EXOC6B: variants seen among roughly 807,000 people sequenced by gnomAD.
The protein encoded by EXOC6B is SEC15 homolog B.
EXOC6B carries 54 observed loss-of-function variants against 113.5 expected under a neutral mutation model. The ratio of observed to expected loss-of-function variants is 0.48; its 90% CI spans 0.38 to 0.60. The LOEUF (loss-of-function observed/expected upper bound fraction) is 0.60. Ranked by LOEUF, EXOC6B falls within the 20% of genes least tolerant of loss-of-function variation. The pLI, the probability that EXOC6B is intolerant of heterozygous loss-of-function variation, is 0.00. For synonymous variants in EXOC6B, 357 were observed against 339.0 expected, an observed-to-expected ratio of 1.05 and a Z score of -0.58; for missense variants, 797 against 977.5, an observed-to-expected ratio of 0.82 and a Z score of 2.46.
intron 11 of EXOC6B, among the ~76,000 whole-genome samples, chr2:72,510,813 A>G (rs1410152960): frequency 6.6e-6 from 1 of 151,942 alleles, no homozygotes; most frequent in Non-Finnish European, 1.5e-5. Context: ...CACTCAAAAA[A>G]TGATCCGAAG....
intron 8 of EXOC6B, among the ~76,000 whole-genome samples, chr2:72,543,748 C>T (rs1304198723): frequency 1.3e-5 from 2 of 152,280 alleles, no homozygotes; most frequent in East Asian, 3.9e-4. Context: ...CACAAAGTAT[C>T]TCACCCTTAG....
chr2:72,558,031 T>C (rs1201975561), intron 8 of EXOC6B, among the ~76,000 whole-genome samples: 2 of 45,198 alleles, frequency 4.4e-5, no homozygotes, highest in Non-Finnish European at 5.4e-5. Flanking sequence ...AGCTTCTTTA[T>C]AAAACCAAAA....
chr2:72,345,523 T>C (rs1255518306), intron 19 of EXOC6B, among the ~76,000 whole-genome samples: 1 of 151,970 alleles, frequency 6.6e-6, no homozygotes, highest in African/African-American at 2.4e-5. Context: ...TATCAAGCTA[T>C]GAAAAAACAC....
chr2:72,624,738 C>T (rs926353109), intron 6 of EXOC6B, among the ~76,000 whole-genome samples: 1 of 152,030 alleles, frequency 6.6e-6, no homozygotes, highest in African/African-American at 2.4e-5. Flanking sequence ...AGAGCAAGAC[C>T]CTGTTTCTTA....
At chr2:72,476,224 T>C (rs940170468) in intron 17 of EXOC6B, among the ~76,000 whole-genome samples, 4 of 152,204 alleles carry the variant, frequency 2.6e-5, no homozygotes, top group Non-Finnish European at 5.9e-5. Flanking sequence ...CCACTGAAAG[T>C]TTCTACTAAC....
chr2:72,725,703 T>C (rs1680257898), intron 5 of EXOC6B, among the ~76,000 whole-genome samples: 1 of 152,200 alleles, frequency 6.6e-6, no homozygotes, highest in Non-Finnish European at 1.5e-5. Context: ...GGGTAGACAA[T>C]AATAAGTATT....
rs113939351 is a variant in EXOC6B, at chr2:72,807,262, G to A, written c.113+18536C>T. ...ATGGTTAACCAGTTACCCCAGCACC[G>A]TTTATTAAATGGGGAGTGCTTTCCC... On this transcript the variant is annotated intron_variant, in intron 1 of 21. Transcript: ENST00000272427. Among the ~76,000 whole-genome samples the A allele has an allele frequency of 1.4e-4, 22 of 152,176 alleles. 2 individuals are homozygous for A. The highest frequency in any genetic ancestry group is 4.6e-4 in the African/African-American group (19 of 41,540).
intron 1 of EXOC6B, among the ~76,000 whole-genome samples, chr2:72,757,319 C>T (rs372222460): frequency 9.2e-5 from 14 of 152,034 alleles, no homozygotes; most frequent in African/African-American, 3.1e-4. Context: ...AAAATGAAGT[C>T]GGGGAAGGCC....
chr2:72,409,181 C>T (rs923064673), intron 18 of EXOC6B, among the ~76,000 whole-genome samples: 2 of 152,168 alleles, frequency 1.3e-5, no homozygotes, highest in African/African-American at 4.8e-5. Context: ...CATCTCACAC[C>T]AGTTAGAATG....
At chr2:72,681,196 C>G (rs1676675151) in intron 6 of EXOC6B, among the ~76,000 whole-genome samples, 1 of 152,188 alleles carries the variant, frequency 6.6e-6, no homozygotes, top group Admixed American at 6.6e-5. Context: ...ATACCCTTCA[C>G]TCAGACCTCA....
chr2:72,675,002 G>C (rs1676186950), intron 6 of EXOC6B, among the ~76,000 whole-genome samples: 2 of 152,032 alleles, frequency 1.3e-5, no homozygotes, highest in South Asian at 4.1e-4. Context: ...AATATTTTTA[G>C]GCTAATACTA....
chr2:72,410,022 A>T (rs1477346010), intron 18 of EXOC6B, among the ~76,000 whole-genome samples: 1 of 152,200 alleles, frequency 6.6e-6, no homozygotes, highest in Non-Finnish European at 1.5e-5. Flanking sequence ...TAAAAATTGC[A>T]CACAGCTTTT....
rs574810483 is a variant in EXOC6B, at chr2:72,690,301, C to T, written c.669+27802G>A. ...GCCTTCTTTTCCCATATCCCCATGT[C>T]CCTATACATATTCCAATGATTTATT... On this transcript the variant is annotated intron_variant, in intron 6 of 21. Transcript: ENST00000272427. Among the ~76,000 whole-genome samples, 6 of 152,258 alleles carry T rather than the reference C, an allele frequency of 3.9e-5. No homozygotes were observed. The East Asian group carries it at 1.2e-3, about 29-fold the overall frequency.
chr2:72,193,625 G>C (rs41399), intron 20 of EXOC6B, among the ~76,000 whole-genome samples: 21,175 of 152,136 alleles, frequency 0.14, 1,899 homozygotes, highest in Non-Finnish European at 0.19. Flanking sequence ...ACCCTAACAG[G>C]TACTCTAACA....
intron 6 of EXOC6B, among the ~76,000 whole-genome samples, chr2:72,711,095 C>A (rs1392272772): frequency 2.0e-5 from 3 of 151,966 alleles, no homozygotes; most frequent in African/African-American, 4.8e-5. Context: ...CTCTCCTGTA[C>A]AAATCAATTC....
At chr2:72,649,461 C>A (rs535375643) in intron 6 of EXOC6B, among the ~76,000 whole-genome samples, 3 of 151,716 alleles carry the variant, frequency 2.0e-5, no homozygotes, top group Non-Finnish European at 4.4e-5. Context: ...AAATGTCTCA[C>A]GTATCATATA....
intron 18 of EXOC6B, among the ~76,000 whole-genome samples, chr2:72,451,666 G>T (rs1573150683): frequency 1.3e-5 from 2 of 151,632 alleles, no homozygotes; most frequent in Admixed American, 1.3e-4. Flanking sequence ...GTGTGTGTGT[G>T]TGTGTGTGTG....
intron 20 of EXOC6B, among the ~76,000 whole-genome samples, chr2:72,229,216 A>G (rs1320900274): frequency 6.6e-6 from 1 of 152,152 alleles, no homozygotes; most frequent in African/African-American, 2.4e-5. Flanking sequence ...GAAAAGAGAA[A>G]AATGGTAAAG....
intron 19 of EXOC6B, among the ~76,000 whole-genome samples, chr2:72,355,513 AC>A (rs1422241723): frequency 6.6e-6 from 1 of 152,316 alleles, no homozygotes; most frequent in East Asian, 1.9e-4. Context: ...TAGCCATGGA[AC>A]TTTTCTCATA....
Sources: gnomAD v4.1 joint callset for allele counts (sites outside exome capture counted in the v4.1 genomes callset) on GRCh38, gnomAD v4.1.1 for gene constraint, MANE v1.5 for transcripts, NCBI Gene and HGNC (gene_info 2026-07-23, HGNC 2026-07-21) for gene names.